The following TINAG variants were observed in gnomAD, a reference collection of about 807,000 sequenced individuals.
TINAG encodes tubulointerstitial nephritis antigen.
Under a neutral mutation model 72.7 loss-of-function variants are expected in TINAG, and 83 were observed. That is an observed-to-expected ratio of 1.14 (90% CI 0.96 to 1.37). The LOEUF (loss-of-function observed/expected upper bound fraction) is 1.37. Among genes scored for constraint, TINAG ranks in the 40% most tolerant of loss-of-function variants. The pLI is 0.00. For missense variants in TINAG, 685 were observed against 576.6 expected (o/e 1.19, Z -1.93); for synonymous variants, 234 against 189.9 (o/e 1.23, Z -1.91).
At chr6:54,344,658 C>T (rs916754305) in intron 5 of TINAG, among the ~76,000 whole-genome samples, 3 of 152,240 alleles carry the variant, frequency 2.0e-5, no homozygotes, top group East Asian at 3.9e-4. Context: ...TGGTGAAATA[C>T]TGAAAGCAAC....
At chr6:54,372,748 AT>A (rs1763663973) in intron 9 of TINAG, among the ~76,000 whole-genome samples, 1 of 38,372 alleles carries the variant, frequency 2.6e-5, no homozygotes, top group Admixed American at 2.1e-4. Context: ...ATATATATAT[AT>A]ATATATATAT....
intron 9 of TINAG, among the ~76,000 whole-genome samples, chr6:54,376,299 G>C (rs994511007): frequency 2.6e-5 from 4 of 151,948 alleles, no homozygotes; most frequent in African/African-American, 9.7e-5. Context: ...TAGACTGACA[G>C]TTTTTCGAAA....
upstream of TINAG, among the ~76,000 whole-genome samples, chr6:54,308,301 T>C (rs1388257864): frequency 6.6e-6 from 1 of 152,202 alleles, no homozygotes; most frequent in Non-Finnish European, 1.5e-5. Flanking sequence ...TTCTACACTA[T>C]ATGAAATATA....
chr6:54,354,717 G>T, intron 9 of TINAG, 81 bp downstream of exon 9: 1 of 1,401,992 alleles, frequency 7.1e-7, no homozygotes, highest in Non-Finnish European at 9.7e-7. Context: ...TTAAATGCTA[G>T]AATCCCCTTT....
chr6:54,309,253 C>G (rs777208316), intron 1 of TINAG, among the ~76,000 whole-genome samples: 8 of 152,074 alleles, frequency 5.3e-5, no homozygotes, highest in East Asian at 3.9e-4. Flanking sequence ...GTTTCTCAAG[C>G]CTTTTTGTGT....
In TINAG at chr6:54,330,256, A is replaced by G. The variant is rs528611286; in HGVS notation, c.624+3340A>G. ...CCTCAGCATTTGCAAAAGAATGGAA[A>G]TCATAACAAACAGTCTATCAGATTA... is the stretch of plus-strand genomic sequence containing the variant. On this transcript the variant is annotated intron_variant, in intron 4 of 10. Transcript: ENST00000259782. 7.2e-5 allele frequency among the ~76,000 whole-genome samples: 11 copies of G among 152,224 alleles called. No individual in the cohort carries two copies. The South Asian group carries it at 2.3e-3, about 32-fold the overall frequency.
intron 4 of TINAG, among the ~76,000 whole-genome samples, chr6:54,332,076 C>G (rs1191538223): frequency 6.6e-6 from 1 of 152,182 alleles, no homozygotes; most frequent in Admixed American, 6.5e-5. Context: ...CTATTCCCAT[C>G]AAGCTACCAT....
chr6:54,353,777 T>C (rs1392084857), intron 8 of TINAG, among the ~76,000 whole-genome samples: 1 of 151,858 alleles, frequency 6.6e-6, no homozygotes, highest in African/African-American at 2.4e-5. Flanking sequence ...ACAAGTATTG[T>C]ACACAGTTAT....
chr6:54,360,096 C>T (rs1280151795), intron 9 of TINAG, among the ~76,000 whole-genome samples: 6 of 151,616 alleles, frequency 4.0e-5, no homozygotes, highest in Non-Finnish European at 8.9e-5. Flanking sequence ...AGGAGTTTAG[C>T]GGGTGAGGCA....
At chr6:54,358,251 T>C (rs1374435932) in intron 9 of TINAG, among the ~76,000 whole-genome samples, 1 of 151,860 alleles carries the variant, frequency 6.6e-6, no homozygotes, top group Non-Finnish European at 1.5e-5. Context: ...TGCTTTATTT[T>C]TAAAAATTTT....
intron 4 of TINAG, 151 bp downstream of exon 4, chr6:54,327,067 G>T: frequency 1.3e-6 from 2 of 1,544,710 alleles, no homozygotes; most frequent in Non-Finnish European, 1.7e-6. Flanking sequence ...TCCCTAAATG[G>T]TTGTTAAACC....
chr6:54,346,086 CA>C (rs1785114887), intron 5 of TINAG, among the ~76,000 whole-genome samples: 1 of 151,916 alleles, frequency 6.6e-6, no homozygotes, highest in Non-Finnish European at 1.5e-5. Flanking sequence ...TCCAGATATT[CA>C]ATAAAAAAGT....
intron 4 of TINAG, among the ~76,000 whole-genome samples, chr6:54,333,042 T>A (rs1285566933): frequency 3.3e-5 from 5 of 152,096 alleles, no homozygotes; most frequent in Admixed American, 3.3e-4. Context: ...AGCTCAACCA[T>A]TGTGGGAGGC....
rs185492741 is a variant in TINAG at position 54,356,500 on chromosome 6, G to A, written c.1250+1864G>A. 7.8e-4 allele frequency among the ~76,000 whole-genome samples: 119 copies of A among 151,960 alleles called. 2 individuals carry two copies. Among genetic ancestry groups the A allele is most frequent in the Admixed American group, 7.8e-3 (119 of 15,236 alleles). On this transcript the variant is annotated intron_variant, in intron 9 of 10. Coordinates refer to ENST00000259782, the MANE Select transcript of TINAG (RefSeq NM_014464.4). ...TGCAGTGAGCTTAAATCTGCACTCT[G>A]GGCAACAGAGTGAGACTCTGTCTCA...
intron 9 of TINAG, among the ~76,000 whole-genome samples, chr6:54,364,874 A>G (rs1432775373): frequency 6.6e-6 from 1 of 151,344 alleles, no homozygotes; most frequent in Non-Finnish European, 1.5e-5. Flanking sequence ...ATTTTAATGT[A>G]TTTTTACCAT....
At chr6:54,351,419 T>C (rs1368903534) in intron 8 of TINAG, 22 bp downstream of exon 8, 1 of 1,606,056 alleles carries the variant, frequency 6.2e-7, no homozygotes, top group East Asian at 2.2e-5. Context: ...TGAAATACGG[T>C]TTTTTCTTAC....
At chr6:54,362,418 C>T (rs1763268369) in intron 9 of TINAG, among the ~76,000 whole-genome samples, 1 of 151,664 alleles carries the variant, frequency 6.6e-6, no homozygotes, top group East Asian at 1.9e-4. Flanking sequence ...GACAGCAAAT[C>T]TGTTTATAAC....
At chr6:54,338,528 T>C (rs1784920935) in intron 4 of TINAG, among the ~76,000 whole-genome samples, 1 of 152,004 alleles carries the variant, frequency 6.6e-6, no homozygotes, top group African/African-American at 2.4e-5. Flanking sequence ...AAGACCATCC[T>C]AGCTAACACG....
At chr6:54,385,866 A>G (rs1406577737) in intron 10 of TINAG, among the ~76,000 whole-genome samples, 2 of 149,438 alleles carry the variant, frequency 1.3e-5, no homozygotes, top group Non-Finnish European at 3.0e-5. Context: ...AGTCAAGGAG[A>G]AAAAAAAACA....
Sources: allele counts gnomAD v4.1 joint callset (sites outside exome capture counted in the v4.1 genomes callset), GRCh38; gene constraint gnomAD v4.1.1; transcripts MANE v1.5; gene names NCBI Gene and HGNC (gene_info 2026-07-23, HGNC 2026-07-21).